The following MAP3K20 variants were observed in gnomAD, a reference collection of about 807,000 sequenced individuals.
MAP3K20 encodes the protein HCCS-4.
Under a neutral mutation model 85.7 loss-of-function variants are expected in MAP3K20, and 40 were observed. The ratio of observed to expected loss-of-function variants is 0.47; its 90% CI spans 0.36 to 0.61. MAP3K20 has a LOEUF of 0.61. MAP3K20 is among the 20% of genes least tolerant of loss of function. The probability of loss-of-function intolerance (pLI) is 0.00; values close to 1 mark genes in which losing one functional copy is unlikely to be tolerated. For missense variants in MAP3K20, 817 were observed against 961.7 expected (o/e 0.85, Z 1.99); for synonymous variants, 325 against 327.7 (o/e 0.99, Z 0.09).
At chr2:173,084,763 A>G (rs1248322129) in intron 1 of MAP3K20, among the ~76,000 whole-genome samples, 1 of 152,220 alleles carries the variant, frequency 6.6e-6, no homozygotes, top group Non-Finnish European at 1.5e-5. Flanking sequence ...GGGTTATTAA[A>G]ATAATGAGAA....
chr2:173,241,614 C>CA (rs1052666625), intron 16 of MAP3K20, among the ~76,000 whole-genome samples: 6 of 151,608 alleles, frequency 4.0e-5, no homozygotes, highest in Non-Finnish European at 5.9e-5. Flanking sequence ...GACATCATCT[C>CA]AAAAAAAATA....
intron 9 of MAP3K20, chr2:173,207,764 A>C (rs951091189): frequency 2.6e-5 from 4 of 151,730 alleles, no homozygotes; most frequent in African/African-American, 9.7e-5. Context: ...GTGATGCCTA[A>C]AAGGAACCTA....
intron 2 of MAP3K20, among the ~76,000 whole-genome samples, chr2:173,168,169 G>T (rs1689893450): frequency 6.6e-6 from 1 of 151,842 alleles, no homozygotes; most frequent in East Asian, 1.9e-4. Flanking sequence ...TTGCCATGTG[G>T]ATGAATAGTT....
intron 3 of MAP3K20, among the ~76,000 whole-genome samples, chr2:173,173,188 GTGTGTGTGTC>G (rs1480481893): frequency 1.5e-3 from 204 of 136,336 alleles, no homozygotes; most frequent in South Asian, 6.6e-3. Context: ...GTGTGTGTGT[GTGTGTGTGTC>G]TGTGTAAAAC....
At chr2:173,079,745 A>G (rs973994429) in intron 1 of MAP3K20, among the ~76,000 whole-genome samples, 3 of 152,296 alleles carry the variant, frequency 2.0e-5, no homozygotes, top group African/African-American at 2.4e-5. Flanking sequence ...AGGATCGTCA[A>G]TATCACTGTT....
intron 16 of MAP3K20, among the ~76,000 whole-genome samples, chr2:173,256,199 G>A (rs1685154713): frequency 6.6e-6 from 1 of 152,210 alleles, no homozygotes; most frequent in Non-Finnish European, 1.5e-5. Flanking sequence ...CAGCCTCTTT[G>A]TGGATGCCTT....
intron 16 of MAP3K20, among the ~76,000 whole-genome samples, chr2:173,245,857 A>T (rs1447906309): frequency 6.6e-6 from 1 of 152,188 alleles, no homozygotes; most frequent in Non-Finnish European, 1.5e-5. Flanking sequence ...GCTTAAACCC[A>T]GGAGGCAAGG....
rs1028578654 is a variant in MAP3K20 at position 173,224,831 on chromosome 2, T to G, written c.988-4858T>G. On this transcript the variant is annotated intron_variant, in intron 11 of 19. Transcript: ENST00000375213. ...GGAAGACTTTAGACTCTATTAATTTTAAAAGGAATATTTATTAGCCATATG... is the reference window on the plus strand; with the variant it reads ...GGAAGACTTTAGACTCTATTAATTTGAAAAGGAATATTTATTAGCCATATG... 1.6e-5 allele frequency: 16 copies of G among 984,796 alleles called. No homozygotes were observed. In the Middle Eastern group the frequency reaches 1.6e-3, roughly 95 times the overall value. 61.0% of individuals were successfully genotyped at this position (984,796 alleles called of 1,614,324 possible). A position where few individuals can be genotyped will look rare whatever the true frequency, so the allele number is the denominator to read the frequency against.
chr2:173,233,955 A>T (rs528369845), intron 14 of MAP3K20, among the ~76,000 whole-genome samples: 1 of 152,298 alleles, frequency 6.6e-6, no homozygotes, highest in Non-Finnish European at 1.5e-5. Context: ...TGCATAGCGT[A>T]TTTCCCAAAG....
At chr2:173,145,959 G>A (rs2106220400) in intron 2 of MAP3K20, among the ~76,000 whole-genome samples, 1 of 152,026 alleles carries the variant, frequency 6.6e-6, no homozygotes, top group South Asian at 2.1e-4. Context: ...AAAACAAAAT[G>A]TTGAGCAAAA....
chr2:173,180,297 A>G lies in MAP3K20; in HGVS notation c.248-2557A>G, dbSNP rs111619414. Among the ~76,000 whole-genome samples, 1,331 of 152,318 alleles carry G rather than the reference A, an allele frequency of 8.7e-3. 15 individuals carry two copies. The highest frequency in any genetic ancestry group is 0.03 in the African/African-American group (1,257 of 41,558). On this transcript the variant is annotated intron_variant, in intron 3 of 19. Transcript: ENST00000375213. The stretch of plus-strand genomic sequence containing the variant: ...ACCAAAGGAACACAATTAAAATTCT[A>G]GGGAAAAAGCCTCACATTGATTGGC...
At chr2:173,095,986 G>A (rs1241229004) in intron 2 of MAP3K20, among the ~76,000 whole-genome samples, 4 of 152,128 alleles carry the variant, frequency 2.6e-5, no homozygotes, top group Non-Finnish European at 5.9e-5. Context: ...AAGAAAAGGT[G>A]AAAAGGTTTT....
rs527731320 is a variant in MAP3K20, at chr2:173,178,998, A to G, written c.248-3856A>G. Reference sequence around the variant, plus strand: ...TTGGCTTAACATCTGAAATCAGTCAATGTAAGGTACCATAATAAACAATAA... The same window carrying G: ...TTGGCTTAACATCTGAAATCAGTCAGTGTAAGGTACCATAATAAACAATAA... On this transcript the variant is annotated intron_variant, in intron 3 of 19. Coordinates refer to ENST00000375213, the MANE Select transcript of MAP3K20 (RefSeq NM_016653.3). Among the ~76,000 whole-genome samples the G allele has an allele frequency of 1.1e-4, 17 of 152,324 alleles. No homozygotes were observed. The South Asian group carries it at 2.7e-3, about 24-fold the overall frequency.
At chr2:173,134,424 A>ATTTTTTTTTTTT (rs1315509260) in intron 2 of MAP3K20, among the ~76,000 whole-genome samples, 10 of 5,030 alleles carry the variant, frequency 2.0e-3, no homozygotes, top group Non-Finnish European at 2.5e-3. Context: ...ATATATATAT[A>ATTTTTTTTTTTT]TATATTTTTT....
Position 173,198,133 on chromosome 2 carries a change from T to G in MAP3K20, c.669+21T>G, listed in dbSNP as rs1295807896. 1.3e-6 allele frequency: 2 copies of G among 1,599,864 alleles called. No individual in the cohort carries two copies. The highest frequency in any genetic ancestry group is 4.5e-5 in the East Asian group (2 of 44,640). ...ACGAGGTAAGACTACGTTTCTCCAT[T>G]CAGGTACATAGATCAGAAAACAGTA... On this transcript the variant is annotated intron_variant, in intron 8 of 19. Coordinates refer to ENST00000375213, the MANE Select transcript of MAP3K20 (RefSeq NM_016653.3). This position sits in a 1 kb window ranked among gnomAD's most constrained non-coding sequence, Gnocchi z 5.8.
chr2:173,159,707 C>T (rs1314459647), intron 2 of MAP3K20, among the ~76,000 whole-genome samples: 2 of 152,168 alleles, frequency 1.3e-5, no homozygotes, highest in African/African-American at 2.4e-5. Context: ...TTCATGTTAT[C>T]AGTGACATTC....
intron 2 of MAP3K20, among the ~76,000 whole-genome samples, chr2:173,136,906 G>T (rs1688814117): frequency 6.6e-6 from 1 of 152,186 alleles, no homozygotes; most frequent in East Asian, 1.9e-4. Flanking sequence ...CCTGCAGTTT[G>T]CCAGCTGCTT....
Position 173,129,323 on chromosome 2 carries a change from GCATT to G in MAP3K20, c.159+38134_159+38137del, listed in dbSNP as rs143490091. ...TATTTACTATGCTAAGCTCTTGCAT[GCATT>G]ATTTCATTTCATTCTTACCACAATC... On this transcript the variant is annotated intron_variant, in intron 2 of 19. Coordinates refer to ENST00000375213, the MANE Select transcript of MAP3K20 (RefSeq NM_016653.3). Among the ~76,000 whole-genome samples, 648 of 152,236 alleles carry G rather than the reference GCATT, an allele frequency of 4.3e-3. 7 individuals are homozygous for G. Among genetic ancestry groups the G allele is most frequent in the African/African-American group, 0.015 (628 of 41,518 alleles).
At chr2:173,204,642 AG>A (rs1683607351) in intron 9 of MAP3K20, among the ~76,000 whole-genome samples, 1 of 152,224 alleles carries the variant, frequency 6.6e-6, no homozygotes, top group Non-Finnish European at 1.5e-5. Context: ...ATGAAATGAT[AG>A]GCTAGTCTTG....
Sources: allele counts gnomAD v4.1 joint callset (sites outside exome capture counted in the v4.1 genomes callset), GRCh38; gene constraint gnomAD v4.1.1; non-coding constraint Gnocchi (gnomAD v3.1); transcripts MANE v1.5; gene names NCBI Gene and HGNC (gene_info 2026-07-23, HGNC 2026-07-21).